The following CEP70 variants were observed in gnomAD, a reference collection of about 807,000 sequenced individuals.
The protein encoded by CEP70 is centrosomal protein 70.
Under a neutral mutation model 90.9 loss-of-function variants are expected in CEP70, and 70 were observed. That is an observed-to-expected ratio of 0.77 (90% confidence interval 0.64 to 0.94). CEP70 has a LOEUF of 0.94. Ranked by LOEUF, CEP70 falls within the 40% of genes least tolerant of loss-of-function variation. CEP70 has a pLI of 0.00. For missense variants in CEP70, 648 were observed against 669.0 expected (o/e 0.97, Z 0.35); for synonymous variants, 220 against 228.3 (o/e 0.96, Z 0.33).
chr3:138,530,349 T>C (rs1018517853), intron 8 of CEP70, among the ~76,000 whole-genome samples: 17 of 152,230 alleles, frequency 1.1e-4, no homozygotes, highest in African/African-American at 4.1e-4. Context: ...ACATAAAGTA[T>C]TACTATTGTA....
At chr3:138,499,949 T>C (rs1380003387) in intron 16 of CEP70, 161 bp downstream of exon 16, 1 of 567,038 alleles carries the variant, frequency 1.8e-6, no homozygotes, top group African/African-American at 1.9e-5. Flanking sequence ...TTAATTTTTA[T>C]TGTTTAGAGA....
chr3:138,496,892 A>G, intron 17 of CEP70: 3 of 985,590 alleles, frequency 3.0e-6, no homozygotes, highest in Non-Finnish European at 2.4e-6. Flanking sequence ...GCATTCTGAA[A>G]TAAGTGTTAC....
At chr3:138,534,534 T>G (rs927869591) in intron 7 of CEP70, among the ~76,000 whole-genome samples, 9 of 152,230 alleles carry the variant, frequency 5.9e-5, no homozygotes, top group African/African-American at 2.2e-4. Context: ...ACTTATTACA[T>G]GTTAAGTACT....
intron 6 of CEP70, among the ~76,000 whole-genome samples, chr3:138,564,598 A>C (rs2040642124): frequency 6.6e-6 from 1 of 152,168 alleles, no homozygotes; most frequent in Admixed American, 6.5e-5. Context: ...GACAAAAACC[A>C]CATGATTATC....
chr3:138,539,065 T>A (rs945066538), intron 6 of CEP70, among the ~76,000 whole-genome samples: 19 of 152,206 alleles, frequency 1.2e-4, no homozygotes, highest in African/African-American at 3.4e-4. Context: ...CAGGCTGGAG[T>A]ACAGTGGCAT....
At chr3:138,535,214 G>A (rs1475832551) in intron 7 of CEP70, among the ~76,000 whole-genome samples, 2 of 152,084 alleles carry the variant, frequency 1.3e-5, no homozygotes, top group Non-Finnish European at 2.9e-5. Context: ...CACTTTTCCT[G>A]TTATCATATT....
At chr3:138,562,270 G>GA (rs983989201) in intron 6 of CEP70, among the ~76,000 whole-genome samples, 1 of 152,056 alleles carries the variant, frequency 6.6e-6, no homozygotes, top group Non-Finnish European at 1.5e-5. Flanking sequence ...AACCAAGTTG[G>GA]AAAACACTCT....
chr3:138,547,477 T>A (rs2039299624), intron 6 of CEP70, among the ~76,000 whole-genome samples: 1 of 152,246 alleles, frequency 6.6e-6, no homozygotes. Context: ...CTAGCATTAA[T>A]TTCTTTTTCC....
At chr3:138,512,135 GAA>G (rs1211298898) in intron 11 of CEP70, among the ~76,000 whole-genome samples, 5 of 152,210 alleles carry the variant, frequency 3.3e-5, no homozygotes, top group Non-Finnish European at 7.3e-5. Flanking sequence ...CATAAAGACT[GAA>G]GTGGAGCCTT....
At chr3:138,583,435 C>T (rs1179957747) in intron 2 of CEP70, among the ~76,000 whole-genome samples, 3 of 152,198 alleles carry the variant, frequency 2.0e-5, no homozygotes, top group Admixed American at 2.0e-4. Flanking sequence ...CTGACTTAAT[C>T]TGCACTATAG....
chr3:138,504,316 C>T (rs948097970), intron 13 of CEP70, among the ~76,000 whole-genome samples: 2 of 151,982 alleles, frequency 1.3e-5, no homozygotes, highest in African/African-American at 2.4e-5. Context: ...AAAGGGAAGT[C>T]GAAATTTAAA....
At position 138,508,520 on chromosome 3, in the gene CEP70, C is replaced by T. The variant is rs1297653074; in HGVS notation, c.969G>A (p.Lys323=). 6.2e-7 allele frequency: 1 copy of T among 1,610,592 alleles called. No individual in the cohort carries two copies. The highest frequency in any genetic ancestry group is 1.7e-5 in the Admixed American group (1 of 59,950). ...CTTTCTTCTCTGTGTCCTCAGCCTTCTTATGATTAATAAGCTCCTGTAATC... is the reference window on the plus strand; with the variant it reads ...CTTTCTTCTCTGTGTCCTCAGCCTTTTTATGATTAATAAGCTCCTGTAATC... ...NVKLQELINH[K]KAEDTEKKDE... is the part of the protein sequence containing the mutation. The change falls in exon 12 of 18, where the codon AAG becomes AAA. Residue 323 remains lysine, a synonymous_variant. Transcript: ENST00000264982.
intron 11 of CEP70, among the ~76,000 whole-genome samples, chr3:138,519,650 C>T (rs1262918499): frequency 2.0e-5 from 3 of 152,154 alleles, no homozygotes; most frequent in Non-Finnish European, 2.9e-5. Context: ...TTTGTCACCA[C>T]CAGGCCTGTC....
At chr3:138,533,512 C>A (rs1358846881) in intron 7 of CEP70, among the ~76,000 whole-genome samples, 1 of 151,920 alleles carries the variant, frequency 6.6e-6, no homozygotes, top group South Asian at 2.1e-4. Flanking sequence ...TGTAAGCTAG[C>A]GGGTGTATGA....
In CEP70 at chr3:138,498,091, C is replaced by T. The variant is rs770406461; in HGVS notation, c.1672G>A (p.Glu558Lys). The stretch of plus-strand genomic sequence containing the variant: ...AATGCTGGGAAAAATTCCTCGTGTT[C>T]TTCCAATTTGTAGATAATGCTGTTT... Reference protein sequence around the residue: ...DLQSIIYKLEEHEEFFPAFQA... With the variant: ...DLQSIIYKLEKHEEFFPAFQA... Residue 558 changes from glutamate to lysine, a missense_variant, in exon 17 of 18, where the codon GAA becomes AAA. Transcript: ENST00000264982. 3.7e-5 allele frequency: 59 copies of T among 1,613,030 alleles called. No homozygotes were observed. The highest frequency in any genetic ancestry group is 2.9e-5 in the Non-Finnish European group (34 of 1,179,576).
At chr3:138,505,518 GTT>G (rs1280162871) in intron 12 of CEP70, 53 bp from the exon 13 acceptor site, 2 of 1,247,960 alleles carry the variant, frequency 1.6e-6, no homozygotes, top group African/African-American at 3.1e-5. Flanking sequence ...TGCCTACAAA[GTT>G]ATATATTTTA....
chr3:138,585,399 C>CA (rs1484892808), intron 2 of CEP70, among the ~76,000 whole-genome samples: 2 of 151,726 alleles, frequency 1.3e-5, no homozygotes, highest in African/African-American at 4.8e-5. Flanking sequence ...GAAGAGGCCA[C>CA]AAAAAAATGA....
intron 11 of CEP70, among the ~76,000 whole-genome samples, chr3:138,512,417 C>T (rs887323937): frequency 6.6e-6 from 1 of 152,084 alleles, no homozygotes; most frequent in Non-Finnish European, 1.5e-5. Flanking sequence ...TGTTATATTG[C>T]TGATGATCCC....
chr3:138,583,652 G>T (rs1456638356), intron 2 of CEP70, among the ~76,000 whole-genome samples: 1 of 151,830 alleles, frequency 6.6e-6, no homozygotes, highest in Non-Finnish European at 1.5e-5. Flanking sequence ...TTAACAGGAG[G>T]AATTTTGGAA....
Sources: gnomAD v4.1 joint callset for allele counts (sites outside exome capture counted in the v4.1 genomes callset) on GRCh38, gnomAD v4.1.1 for gene constraint, MANE v1.5 for transcripts, NCBI Gene and HGNC (gene_info 2026-07-23, HGNC 2026-07-21) for gene names.